PDE1C: variants seen among roughly 807,000 people sequenced by gnomAD.
PDE1C encodes dual specificity calcium/calmodulin-dependent 3',5'-cyclic nucleotide phosphodiesterase 1C.
A neutral mutation model predicts 93.1 loss-of-function variants in PDE1C; 62 were observed. The ratio of observed to expected loss-of-function variants is 0.67; its 90% confidence interval spans 0.54 to 0.82. The LOEUF is 0.82. PDE1C is among the 40% of genes least tolerant of loss of function. PDE1C has a pLI of 0.00. For missense variants in PDE1C, 742 were observed against 884.6 expected, an observed-to-expected ratio of 0.84 and a Z score of 2.04; for synonymous variants, 325 against 310.1, an observed-to-expected ratio of 1.05 and a Z score of -0.50.
chr7:31,841,411 A>G (rs942667283), intron 9 of PDE1C, among the ~76,000 whole-genome samples: 3 of 152,048 alleles, frequency 2.0e-5, no homozygotes, highest in African/African-American at 4.8e-5. Context: ...AACAATGTTG[A>G]TGAATGTAAG....
intron 1 of PDE1C, among the ~76,000 whole-genome samples, chr7:32,349,981 T>C (rs1481862365): frequency 2.0e-5 from 3 of 152,366 alleles, no homozygotes; most frequent in Admixed American, 2.0e-4. Context: ...AGCAATAAGT[T>C]CCTGTACTCT....
chr7:32,340,364 G>T (rs915203541), intron 1 of PDE1C, among the ~76,000 whole-genome samples: 2 of 152,162 alleles, frequency 1.3e-5, no homozygotes, highest in East Asian at 3.8e-4. Flanking sequence ...GTGGAGAAGA[G>T]GGGGAGGATC....
intron 1 of PDE1C, among the ~76,000 whole-genome samples, chr7:32,350,578 A>G (rs1562686602): frequency 3.1e-3 from 1 of 324 alleles, no homozygotes; most frequent in African/African-American, 4.1e-3. Flanking sequence ...ATATATATAT[A>G]TATATATATA....
chr7:32,283,302 A>C (rs1811792800), intron 1 of PDE1C, among the ~76,000 whole-genome samples: 2 of 152,212 alleles, frequency 1.3e-5, no homozygotes, highest in South Asian at 4.1e-4. Context: ...CATATTTGAA[A>C]AAATAGTAAT....
chr7:32,407,472 A>G (rs918758064), intron 1 of PDE1C, among the ~76,000 whole-genome samples: 5 of 152,236 alleles, frequency 3.3e-5, no homozygotes, highest in Non-Finnish European at 7.4e-5. Flanking sequence ...GCCTTCCCCC[A>G]TGATCCTCTT....
intron 2 of PDE1C, among the ~76,000 whole-genome samples, chr7:31,998,025 T>G (rs1784955019): frequency 6.7e-6 from 1 of 149,520 alleles, no homozygotes. Flanking sequence ...TTTATTTATT[T>G]ATTTATTTTT....
intron 7 of PDE1C, among the ~76,000 whole-genome samples, chr7:31,852,032 GAT>G (rs1272504204): frequency 6.6e-6 from 1 of 152,188 alleles, no homozygotes; most frequent in Non-Finnish European, 1.5e-5. Context: ...CTGAATTAAA[GAT>G]CAGTGCATAA....
chr7:32,226,113 C>T (rs10237329), intron 1 of PDE1C, among the ~76,000 whole-genome samples: 85,031 of 151,970 alleles, frequency 0.56, 25,249 homozygotes, highest in Admixed American at 0.67. Context: ...AGGATTTTGA[C>T]GTCCATTGTT....
chr7:31,786,983 C>T (rs1784070658), intron 16 of PDE1C: 1 of 151,462 alleles, frequency 6.6e-6, no homozygotes, highest in South Asian at 2.1e-4. Flanking sequence ...TATCTACCTA[C>T]CTACCTATCT....
In PDE1C at chr7:31,879,036, T is replaced by A; in HGVS notation, c.385A>T (p.Ser129Cys). 6.2e-7 allele frequency: 1 copy of A among 1,614,164 alleles called. No individual in the cohort carries two copies. The highest frequency in any genetic ancestry group is 8.5e-7 in the Non-Finnish European group (1 of 1,180,004). The change falls in exon 4 of 18, where the codon AGC (serine) becomes TGC (cysteine). Residue 129 changes from serine to cysteine, a missense_variant. Coordinates refer to ENST00000396191, the MANE Select transcript of PDE1C (RefSeq NM_001191057.4). ...CCAGCCTGCACTGCGTGAACGATGC[T>A]CTTGAACCGGGGCTTCTCGTCGCTC... is the stretch of plus-strand genomic sequence containing the variant. ...RRSDEKPRFK[S>C]IVHAVQAGIF...
chr7:32,387,481 A>G (rs1402413981), intron 1 of PDE1C, among the ~76,000 whole-genome samples: 2 of 145,230 alleles, frequency 1.4e-5, no homozygotes, highest in African/African-American at 2.6e-5. Flanking sequence ...CCTCCTGGAT[A>G]GGGCGGCTGG....
At chr7:31,897,224 G>A (rs961272634) in intron 2 of PDE1C, among the ~76,000 whole-genome samples, 1 of 152,200 alleles carries the variant, frequency 6.6e-6, no homozygotes, top group Non-Finnish European at 1.5e-5. Flanking sequence ...CCCTGCTGAT[G>A]CAGGTGCAGT....
chr7:32,159,413 T>G (rs1005774087), intron 3 of PDE1C, among the ~76,000 whole-genome samples: 2 of 152,228 alleles, frequency 1.3e-5, no homozygotes, highest in African/African-American at 4.8e-5. Flanking sequence ...ATTTGCCTTA[T>G]TACAGGGCAC....
chr7:32,378,379 C>T (rs374452552), intron 1 of PDE1C, among the ~76,000 whole-genome samples: 28 of 152,156 alleles, frequency 1.8e-4, no homozygotes, highest in African/African-American at 6.8e-4. Context: ...CTTCAAGCTG[C>T]CAAGCTAACT....
chr7:31,872,346 A>C (rs1454587399), intron 6 of PDE1C, among the ~76,000 whole-genome samples: 1 of 152,138 alleles, frequency 6.6e-6, no homozygotes, highest in Non-Finnish European at 1.5e-5. Flanking sequence ...GTTAACAAGA[A>C]TGTATTGTGC....
chr7:31,811,371 C>A (rs1787525221), intron 15 of PDE1C, among the ~76,000 whole-genome samples: 1 of 152,004 alleles, frequency 6.6e-6, no homozygotes, highest in Admixed American at 6.6e-5. Flanking sequence ...TGAAAACAGA[C>A]TAATACACAC....
chr7:32,004,694 T>G (rs1584415202), intron 2 of PDE1C, among the ~76,000 whole-genome samples: 1 of 152,196 alleles, frequency 6.6e-6, no homozygotes, highest in African/African-American at 2.4e-5. Context: ...AGCTCCCAGA[T>G]CAACCCAAAC....
At chr7:32,143,296 G>A (rs1800640669) in intron 3 of PDE1C, among the ~76,000 whole-genome samples, 1 of 150,620 alleles carries the variant, frequency 6.6e-6, no homozygotes, top group Non-Finnish European at 1.5e-5. Context: ...TGAACTATAA[G>A]ATCATTCTGA....
chr7:32,286,453 C>G (rs1357718003), intron 1 of PDE1C, among the ~76,000 whole-genome samples: 1 of 152,192 alleles, frequency 6.6e-6, no homozygotes, highest in Non-Finnish European at 1.5e-5. Context: ...AGCAAACACT[C>G]AACTACAAAG....
Sources: allele counts gnomAD v4.1 joint callset (sites outside exome capture counted in the v4.1 genomes callset), GRCh38; gene constraint gnomAD v4.1.1; transcripts MANE v1.5; gene names NCBI Gene and HGNC (gene_info 2026-07-23, HGNC 2026-07-21).